The following THSD4 variants were observed in gnomAD, a reference collection of about 807,000 sequenced individuals.
THSD4 encodes thrombospondin type 1 domain containing 4, also known as thrombospondin type-1 domain-containing protein 4.
THSD4 carries 69 observed loss-of-function variants against 119.0 expected under a neutral mutation model. That is an observed-to-expected ratio of 0.58 (90% CI 0.48 to 0.71). The LOEUF (loss-of-function observed/expected upper bound fraction) is 0.71, where lower values mean the gene tolerates loss of function less well. Among genes scored for constraint, THSD4 ranks in the 30% least tolerant of loss-of-function variants. The probability of loss-of-function intolerance (pLI) is 0.00; values close to 1 mark genes in which losing one functional copy is unlikely to be tolerated. For synonymous variants in THSD4, 524 were observed against 540.4 expected (o/e 0.97, Z 0.42); for missense variants, 1,393 against 1,391.1 (o/e 1.00, Z -0.02).
intron 7 of THSD4, among the ~76,000 whole-genome samples, chr15:71,415,730 T>A (rs942430149): frequency 1.3e-5 from 2 of 152,116 alleles, no homozygotes; most frequent in Non-Finnish European, 2.9e-5. Context: ...CCTCTCTATC[T>A]CCATGAGTTC....
At chr15:71,439,412 TTGG>T (rs1380900673) in intron 7 of THSD4, among the ~76,000 whole-genome samples, 6 of 152,214 alleles carry the variant, frequency 3.9e-5, no homozygotes, top group Non-Finnish European at 8.8e-5. Flanking sequence ...TTTTACACTG[TTGG>T]TGGGAGTGTA....
intron 14 of THSD4, among the ~76,000 whole-genome samples, chr15:71,753,830 G>A (rs544270830): frequency 6.6e-6 from 1 of 152,300 alleles, no homozygotes; most frequent in East Asian, 1.9e-4. Flanking sequence ...TGAAGGTGTT[G>A]TAATAAAATG....
At chr15:71,719,001 G>A (rs17737516) in intron 8 of THSD4, among the ~76,000 whole-genome samples, 25,795 of 152,074 alleles carry the variant, frequency 0.17, 2,407 homozygotes, top group Middle Eastern at 0.22. Context: ...CCATAGGTGG[G>A]ATCAATTTCA....
intron 14 of THSD4, among the ~76,000 whole-genome samples, chr15:71,751,131 C>T (rs779543162): frequency 9.9e-5 from 15 of 152,198 alleles, no homozygotes; most frequent in Non-Finnish European, 1.9e-4. Context: ...TGGGGAACCC[C>T]TTCCACTTTC....
At chr15:71,773,422 CTAATA>C (rs553414196) in intron 17 of THSD4, among the ~76,000 whole-genome samples, 42 of 152,176 alleles carry the variant, frequency 2.8e-4, no homozygotes, top group African/African-American at 9.4e-4. Flanking sequence ...AGGCTTCTAG[CTAATA>C]TAATATAATA....
chr15:71,165,380 T>C, intron 3 of THSD4: 1 of 1,495,478 alleles, frequency 6.7e-7, no homozygotes. Context: ...TATGATGACA[T>C]TTTGCCTCTC....
chr15:71,644,571 A>C (rs1470452294), intron 7 of THSD4, among the ~76,000 whole-genome samples: 1 of 152,174 alleles, frequency 6.6e-6, no homozygotes, highest in Non-Finnish European at 1.5e-5. Context: ...TCAATACTCT[A>C]TGCCACCTTT....
Position 71,758,061 on chromosome 15 carries a change from G to A in THSD4, c.2575G>A (p.Gly859Arg), listed in dbSNP as rs759524945. ...PCTGKVEWFA[G>R]SWSQCSIECG... is the part of the protein sequence containing the mutation. ...CACGGGCAAGGTGGAGTGGTTTGCC[G>A]GGAGCTGGAGTCAGGTGAGTGGCCA... The change falls in exon 15 of 18, where the codon GGG becomes AGG. Residue 859 changes from glycine to arginine, a missense_variant. Physicochemically the swap from Gly to Arg is moderately radical, Grantham distance 125. Coordinates refer to ENST00000261862, the MANE Select transcript of THSD4 (RefSeq NM_024817.3). The A allele has an allele frequency of 2.1e-5, 33 of 1,583,516 alleles. No individual in the cohort carries two copies. The Middle Eastern group carries it at 5.0e-4, about 24-fold the overall frequency.
chr15:71,599,856 TC>T (rs2049973463), intron 7 of THSD4, among the ~76,000 whole-genome samples: 1 of 152,184 alleles, frequency 6.6e-6, no homozygotes, highest in South Asian at 2.1e-4. Context: ...AGCCCCAATG[TC>T]TTCCCCACAA....
At chr15:71,406,642 TGGTGTGTGTGTGTG>T (rs2046610514) in intron 6 of THSD4, among the ~76,000 whole-genome samples, 1 of 134,806 alleles carries the variant, frequency 7.4e-6, no homozygotes, top group Admixed American at 8.1e-5. Context: ...CAGGTTTGTT[TGGTGTGTGTGTGTG>T]TGTGTGTGTG....
chr15:71,341,579 G>C lies in THSD4; in HGVS notation c.1016-70108G>C, dbSNP rs763884771. On this transcript the variant is annotated intron_variant, in intron 6 of 17. Transcript: ENST00000261862. ...TAAAGTGACATCTTTCAGATACTTC[G>C]TGGCTTTTCGTATATGCATACCCTT... 5.6e-6 allele frequency: 9 copies of C among 1,604,050 alleles called. No individual in the cohort carries two copies. In the Admixed American group the frequency reaches 1.2e-4, roughly 21 times the overall value.
intron 3 of THSD4, among the ~76,000 whole-genome samples, chr15:71,189,892 C>T (rs1460471353): frequency 6.6e-6 from 1 of 152,192 alleles, no homozygotes; most frequent in Non-Finnish European, 1.5e-5. Context: ...GCATTCCATA[C>T]TGCTACTCTG....
intron 7 of THSD4, among the ~76,000 whole-genome samples, chr15:71,473,133 C>T (rs548731328): frequency 2.6e-5 from 4 of 151,390 alleles, no homozygotes; most frequent in Admixed American, 6.6e-5. Flanking sequence ...CCTGGCTCAC[C>T]GCAACCTCTG....
chr15:71,498,699 T>C (rs2048064728), intron 7 of THSD4, among the ~76,000 whole-genome samples: 1 of 152,076 alleles, frequency 6.6e-6, no homozygotes, highest in African/African-American at 2.4e-5. Flanking sequence ...ATCTTTTTTT[T>C]GTTTTGTTTT....
chr15:71,242,762 A>G lies in THSD4; in HGVS notation c.578A>G (p.Lys193Arg), dbSNP rs751624116. Residue 193 changes from lysine (K) to arginine (R), a missense_variant, in exon 5 of 18, where the codon AAG becomes AGG. Coordinates refer to ENST00000261862, the MANE Select transcript of THSD4 (RefSeq NM_024817.3). The stretch of plus-strand genomic sequence containing the variant: ...ACGCCACAGAGGCTCCGGAGACAGA[A>G]GCTCTCATCCCGCCATTCCAGGTCC... ...AHTPQRLRRQ[K>R]LSSRHSRSQG... 1 of 1,614,058 alleles carries G rather than the reference A, an allele frequency of 6.2e-7. No individual in the cohort carries two copies. Among genetic ancestry groups the G allele is most frequent in the Non-Finnish European group, 8.5e-7 (1 of 1,180,038 alleles).
chr15:71,306,941 T>C (rs1242223347), intron 6 of THSD4, among the ~76,000 whole-genome samples: 1 of 152,198 alleles, frequency 6.6e-6, no homozygotes. Context: ...AATTTTTTAA[T>C]TGGCCTCATG....
chr15:71,561,980 C>T (rs1464604898), intron 7 of THSD4, among the ~76,000 whole-genome samples: 1 of 151,924 alleles, frequency 6.6e-6, no homozygotes, highest in Non-Finnish European at 1.5e-5. Context: ...CACCAAATTC[C>T]AGTGTCTTGA....
intron 6 of THSD4, among the ~76,000 whole-genome samples, chr15:71,351,730 A>G (rs1038174651): frequency 6.6e-6 from 1 of 152,196 alleles, no homozygotes; most frequent in Admixed American, 6.5e-5. Context: ...TGGGCTGGTG[A>G]TGGTTCTCTA....
Position 71,573,594 on chromosome 15 carries a change from C to T in THSD4, c.1153-86936C>T, listed in dbSNP as rs28612275. Among the ~76,000 whole-genome samples, 667 of 152,230 alleles carry T rather than the reference C, an allele frequency of 4.4e-3. 8 individuals are homozygous for T. The highest frequency in any genetic ancestry group is 0.015 in the African/African-American group (626 of 41,536). On this transcript the variant is annotated intron_variant, in intron 7 of 17. Transcript: ENST00000261862. ...GCCACCTGTGAAATAAGTTAAACAC[C>T]ATACTGTTTTAATGTAAAAATATTT...
Sources: allele counts gnomAD v4.1 joint callset (sites outside exome capture counted in the v4.1 genomes callset), GRCh38; gene constraint gnomAD v4.1.1; transcripts MANE v1.5; gene names NCBI Gene and HGNC (gene_info 2026-07-23, HGNC 2026-07-21).